IPO7: variants seen among roughly 807,000 people sequenced by gnomAD.
The protein encoded by IPO7 is importin 7, also known as importin-7.
Under a neutral mutation model 136.4 loss-of-function variants are expected in IPO7, and 13 were observed. That is an observed-to-expected ratio of 0.10 (90% confidence interval 0.06 to 0.15). The LOEUF is 0.15. IPO7 is among the 10% of genes least tolerant of loss of function. The probability of loss-of-function intolerance (pLI) is 1.00; values close to 1 mark genes in which losing one functional copy is unlikely to be tolerated. For missense variants in IPO7, 857 were observed against 1,240.6 expected (o/e 0.69, Z 4.65); for synonymous variants, 403 against 404.4 (o/e 1.00, Z 0.04).
chr11:9,404,131 T>C (rs1393503568), intron 2 of IPO7, among the ~76,000 whole-genome samples: 1 of 152,260 alleles, frequency 6.6e-6, no homozygotes, highest in Non-Finnish European at 1.5e-5. Context: ...CATTTTTGTG[T>C]TATTTCTTGC....
At chr11:9,388,485 T>C (rs1854583411) in intron 1 of IPO7, among the ~76,000 whole-genome samples, 2 of 151,616 alleles carry the variant, frequency 1.3e-5, no homozygotes, top group African/African-American at 2.4e-5. Flanking sequence ...TATTTATTTA[T>C]ATTTATTTTT....
chr11:9,431,248 G>A (rs1167222534), intron 16 of IPO7, among the ~76,000 whole-genome samples: 1 of 152,130 alleles, frequency 6.6e-6, no homozygotes, highest in East Asian at 1.9e-4. Context: ...CAGAAATATG[G>A]TGGTTCCCAG....
chr11:9,409,806 A>G (rs1023932752), intron 3 of IPO7, 122 bp from the exon 4 acceptor site: 6 of 660,220 alleles, frequency 9.1e-6, no homozygotes, highest in African/African-American at 1.9e-5. Context: ...TTCTGTGTAC[A>G]TCTAAAATCA....
chr11:9,415,144 C>T (rs1855022912), intron 5 of IPO7, among the ~76,000 whole-genome samples: 1 of 151,522 alleles, frequency 6.6e-6, no homozygotes, highest in African/African-American at 2.4e-5. Context: ...CATGGAGAAA[C>T]CCCGTCTCTA....
At chr11:9,425,097 T>A (rs776685572) in intron 11 of IPO7, 49 bp from the exon 12 acceptor site, 1 of 1,334,490 alleles carries the variant, frequency 7.5e-7, no homozygotes, top group Non-Finnish European at 1.1e-6. Context: ...GTATGTTTTT[T>A]AAGGACTGTT....
chr11:9,386,529 C>T (rs574313469), intron 1 of IPO7, among the ~76,000 whole-genome samples: 57 of 152,144 alleles, frequency 3.7e-4, no homozygotes, highest in African/African-American at 1.3e-3. Context: ...GCTCTAATCG[C>T]GTATTATTTT....
In IPO7 at chr11:9,420,515, T is replaced by G. The variant is rs1855111747; in HGVS notation, c.821+10T>G. The G allele has an allele frequency of 6.3e-7, 1 of 1,590,650 alleles. No homozygotes were observed. Among genetic ancestry groups the G allele is most frequent in the African/African-American group, 1.3e-5 (1 of 74,586 alleles). On this transcript the variant is annotated intron_variant, in intron 7 of 24. Transcript: ENST00000379719. The stretch of plus-strand genomic sequence containing the variant: ...CAAGACTTTTTGAAAGGTAATCTCA[T>G]CCATATATGGTGATTTAAATTAATT...
rs773036477 is a variant in IPO7, at chr11:9,423,826, A to T, written c.1091A>T (p.Asp364Val). The change falls in exon 10 of 25, where the codon GAT (aspartate) becomes GTT (valine). Residue 364 changes from aspartate to valine, a missense_variant. Asp to Val is a radical substitution (Grantham distance 152, BLOSUM62 -3). Coordinates refer to ENST00000379719, the MANE Select transcript of IPO7 (RefSeq NM_006391.3). ...IFPLMCYTDA[D>V]EELWQEDPYE... ...CCATTGATGTGCTATACAGATGCTG[A>T]TGAGGAACTTTGGCAAGAAGACCCT... The T allele has an allele frequency of 6.2e-7, 1 of 1,610,812 alleles. No homozygotes were observed. Among genetic ancestry groups the T allele is most frequent in the Non-Finnish European group, 8.5e-7 (1 of 1,177,960 alleles).
At chr11:9,420,227 G>C (rs1564998669) in intron 6 of IPO7, 184 bp from the exon 7 acceptor site, 1 of 506,444 alleles carries the variant, frequency 2.0e-6, no homozygotes, top group Non-Finnish European at 3.5e-6. Flanking sequence ...TGAGGCGGGA[G>C]AATTGTGTGA....
chr11:9,443,184 CAA>C lies in IPO7; in HGVS notation c.3019+988_3019+989del, dbSNP rs1465819482. On this transcript the variant is annotated intron_variant, in intron 24 of 24. Transcript: ENST00000379719. ...CGCCATTGCACTGCAGCCTGGGTGACAAGAGCAAAAGTCTGTCTCAAAAAAAC... is the reference window on the plus strand; with the variant it reads ...CGCCATTGCACTGCAGCCTGGGTGACGAGCAAAAGTCTGTCTCAAAAAAAC... Among the ~76,000 whole-genome samples, 15 of 151,974 alleles carry C rather than the reference CAA, an allele frequency of 9.9e-5. No homozygotes were observed. In the South Asian group the frequency reaches 2.3e-3, roughly 23 times the overall value.
chr11:9,410,107 C>T (rs1854948130), intron 4 of IPO7, 21 bp downstream of exon 4: 1 of 1,489,936 alleles, frequency 6.7e-7, no homozygotes. Flanking sequence ...CTTTCAACTC[C>T]TATAGAGCTT....
At chr11:9,397,268 C>A (rs1210923822) in intron 1 of IPO7, among the ~76,000 whole-genome samples, 1 of 141,162 alleles carries the variant, frequency 7.1e-6, no homozygotes, top group African/African-American at 2.7e-5. Context: ...CAGTGGATCA[C>A]GAGGTCAGGA....
chr11:9,404,851 C>CCA (rs1176821101), intron 2 of IPO7, among the ~76,000 whole-genome samples: 1 of 152,152 alleles, frequency 6.6e-6, no homozygotes, highest in African/African-American at 2.4e-5. Context: ...CAGGCGTGAG[C>CCA]CACCGCGCCC....
Position 9,433,656 on chromosome 11 carries a change from G to A in IPO7, c.1948+20G>A, listed in dbSNP as rs758215290. 13 of 1,612,660 alleles carry A rather than the reference G, an allele frequency of 8.1e-6. No homozygotes were observed. The highest frequency in any genetic ancestry group is 1.1e-5 in the Non-Finnish European group (13 of 1,179,378). On this transcript the variant is annotated intron_variant, in intron 17 of 24. Transcript: ENST00000379719. ...TCTTAGGTATTATACCTCTGATTGTGCTAAGAATTTAGTGCTATTTCACAT... is the reference window on the plus strand; with the variant it reads ...TCTTAGGTATTATACCTCTGATTGTACTAAGAATTTAGTGCTATTTCACAT...
At chr11:9,437,593 T>C (rs1446779066) in intron 20 of IPO7, among the ~76,000 whole-genome samples, 161 bp from the exon 21 acceptor site, 2 of 152,200 alleles carry the variant, frequency 1.3e-5, no homozygotes, top group Admixed American at 6.5e-5. Flanking sequence ...ACTACTAGAC[T>C]TTCTCTAAAA....
intron 6 of IPO7, among the ~76,000 whole-genome samples, chr11:9,417,752 G>A (rs1174799218): frequency 7.0e-6 from 1 of 143,166 alleles, no homozygotes; most frequent in Non-Finnish European, 1.5e-5. Context: ...CGCTCTTGTT[G>A]CCTAGGCTGG....
chr11:9,398,895 G>C (rs747784870), intron 1 of IPO7, among the ~76,000 whole-genome samples: 1 of 152,180 alleles, frequency 6.6e-6, no homozygotes, highest in Non-Finnish European at 1.5e-5. Flanking sequence ...AGAACCTAAA[G>C]GCTGGTAGGT....
intron 22 of IPO7, among the ~76,000 whole-genome samples, chr11:9,439,369 GCCTCCCAA>G (rs1466542766): frequency 6.6e-6 from 1 of 152,044 alleles, no homozygotes; most frequent in Non-Finnish European, 1.5e-5. Flanking sequence ...ACCCTCCTGG[GCCTCCCAA>G]AGTGCTGGGA....
chr11:9,406,902 A>T, intron 2 of IPO7, among the ~76,000 whole-genome samples: 1 of 152,080 alleles, frequency 6.6e-6, no homozygotes, highest in East Asian at 1.9e-4. Flanking sequence ...ATGTTCTTGG[A>T]ATAATTGAAT....
Sources: allele counts gnomAD v4.1 joint callset (sites outside exome capture counted in the v4.1 genomes callset), GRCh38; gene constraint gnomAD v4.1.1; transcripts MANE v1.5; gene names NCBI Gene and HGNC (gene_info 2026-07-23, HGNC 2026-07-21).